TMTC2: variants seen among roughly 807,000 people sequenced by gnomAD.
TMTC2 encodes the protein transmembrane O-mannosyltransferase targeting cadherins 2.
TMTC2 carries 43 observed loss-of-function variants against 82.4 expected under a neutral mutation model. The observed-to-expected ratio is 0.52, with a 90% CI of 0.41 to 0.67. TMTC2 has a LOEUF of 0.67. Among genes scored for constraint, TMTC2 ranks in the 30% least tolerant of loss-of-function variants. The pLI is 0.00. For synonymous variants in TMTC2, 408 were observed against 381.9 expected, an observed-to-expected ratio of 1.07 and a Z score of -0.80; for missense variants, 919 against 1,012.4, an observed-to-expected ratio of 0.91 and a Z score of 1.25.
At chr12:82,938,342 G>A (rs979864744) in intron 4 of TMTC2, among the ~76,000 whole-genome samples, 1 of 152,120 alleles carries the variant, frequency 6.6e-6, no homozygotes, top group East Asian at 1.9e-4. Context: ...ACTTGACGTA[G>A]AGTTTAAAAA....
Position 83,027,861 on chromosome 12 carries a change from TG to T in TMTC2, c.2071-2936del, listed in dbSNP as rs374482663. 9.1e-4 allele frequency among the ~76,000 whole-genome samples: 138 copies of T among 152,326 alleles called. 5 individuals are homozygous for T. In the South Asian group the frequency reaches 0.028, roughly 31 times the overall value. On this transcript the variant is annotated intron_variant, in intron 8 of 11. Transcript: ENST00000321196. ...TTTTTAAAATTTCATAATATTGTTT[TG>T]CCAATGGACTATACAGAGAGATTTT...
intron 1 of TMTC2, among the ~76,000 whole-genome samples, chr12:82,741,476 A>T (rs886842463): frequency 6.6e-6 from 1 of 151,972 alleles, no homozygotes; most frequent in African/African-American, 2.4e-5. Flanking sequence ...ACGCCTGGCT[A>T]AGTTTTGTAT....
At chr12:82,721,822 T>G (rs1212581738) in intron 1 of TMTC2, among the ~76,000 whole-genome samples, 1 of 152,248 alleles carries the variant, frequency 6.6e-6, no homozygotes, top group African/African-American at 2.4e-5. Context: ...TCTAAGTGTT[T>G]TTCCATTCAC....
At chr12:82,733,241 T>A (rs1874924071) in intron 1 of TMTC2, among the ~76,000 whole-genome samples, 1 of 152,162 alleles carries the variant, frequency 6.6e-6, no homozygotes, top group South Asian at 2.1e-4. Flanking sequence ...TGCTGTGAGG[T>A]GAGGATATTG....
At chr12:82,864,587 C>T (rs549893925) in intron 2 of TMTC2, among the ~76,000 whole-genome samples, 62 of 149,728 alleles carry the variant, frequency 4.1e-4, no homozygotes, top group South Asian at 2.8e-3. Context: ...CTGCAACCTC[C>T]GCCTCCCGGG....
At chr12:82,842,393 T>G (rs1005456541) in intron 1 of TMTC2, among the ~76,000 whole-genome samples, 3 of 152,134 alleles carry the variant, frequency 2.0e-5, no homozygotes, top group African/African-American at 7.2e-5. Context: ...TCTAGACAAA[T>G]TCTGTCAGAA....
chr12:82,782,178 T>TAA (rs1196505316), intron 1 of TMTC2, among the ~76,000 whole-genome samples: 1 of 152,044 alleles, frequency 6.6e-6, no homozygotes, highest in Non-Finnish European at 1.5e-5. Context: ...TTTGAGGTCC[T>TAA]AAAAAAACAG....
At chr12:83,088,044 TC>T (rs1327080970) in intron 11 of TMTC2, among the ~76,000 whole-genome samples, 1 of 152,214 alleles carries the variant, frequency 6.6e-6, no homozygotes, top group Non-Finnish European at 1.5e-5. Flanking sequence ...GCCATATCCA[TC>T]AATGATCTTA....
chr12:82,990,188 A>G (rs1353277883), intron 8 of TMTC2, among the ~76,000 whole-genome samples: 3 of 152,206 alleles, frequency 2.0e-5, no homozygotes, highest in African/African-American at 7.2e-5. Flanking sequence ...TCTTTAATCA[A>G]AACTGGCCGA....
At chr12:83,102,226 T>G (rs1455096428) in intron 11 of TMTC2, among the ~76,000 whole-genome samples, 1 of 152,198 alleles carries the variant, frequency 6.6e-6, no homozygotes, top group Non-Finnish European at 1.5e-5. Context: ...CCTGTGAATA[T>G]CAGTACTGGC....
intron 8 of TMTC2, among the ~76,000 whole-genome samples, chr12:83,029,721 T>A (rs957977239): frequency 4.6e-5 from 7 of 152,144 alleles, no homozygotes; most frequent in Non-Finnish European, 8.8e-5. Flanking sequence ...TTAGGGTTGT[T>A]CTCCTATCTT....
chr12:82,780,841 T>C (rs1278268582), intron 1 of TMTC2, among the ~76,000 whole-genome samples: 1 of 152,060 alleles, frequency 6.6e-6, no homozygotes, highest in Non-Finnish European at 1.5e-5. Flanking sequence ...ATGAGCTTTC[T>C]GGTTGCAAAT....
intron 11 of TMTC2, among the ~76,000 whole-genome samples, chr12:83,077,391 T>C (rs1883315008): frequency 6.6e-6 from 1 of 152,124 alleles, no homozygotes; most frequent in Non-Finnish European, 1.5e-5. Flanking sequence ...TCATATCCCT[T>C]TGTCCTATCG....
At chr12:82,817,313 G>GT (rs1211494443) in intron 1 of TMTC2, among the ~76,000 whole-genome samples, 2 of 151,786 alleles carry the variant, frequency 1.3e-5, no homozygotes, top group African/African-American at 2.4e-5. Flanking sequence ...TTTTGTTTTT[G>GT]TTTTTTTATA....
intron 9 of TMTC2, among the ~76,000 whole-genome samples, chr12:83,046,248 A>C (rs1403800726): frequency 1.3e-5 from 2 of 152,140 alleles, no homozygotes; most frequent in African/African-American, 4.8e-5. Context: ...CTAATCCCAG[A>C]TGTCATCAGT....
intron 2 of TMTC2, among the ~76,000 whole-genome samples, chr12:82,880,702 G>A (rs537506074): frequency 5.9e-5 from 9 of 152,320 alleles, no homozygotes; most frequent in African/African-American, 1.7e-4. Flanking sequence ...GTTAGGGAGA[G>A]TTCACTAAAC....
intron 11 of TMTC2, 41 bp downstream of exon 11, chr12:83,061,872 A>T: frequency 6.8e-7 from 1 of 1,468,172 alleles, no homozygotes; most frequent in Non-Finnish European, 9.3e-7. Context: ...AGAGGGATAG[A>T]CTCCAAGCAT....
At chr12:82,813,971 A>G (rs1407685254) in intron 1 of TMTC2, among the ~76,000 whole-genome samples, 1 of 152,132 alleles carries the variant, frequency 6.6e-6, no homozygotes, top group African/African-American at 2.4e-5. Flanking sequence ...TGAAGATGAT[A>G]ATGATAGCCA....
intron 1 of TMTC2, among the ~76,000 whole-genome samples, chr12:82,771,607 A>G (rs12370453): frequency 0.15 from 23,050 of 152,186 alleles, 1,996 homozygotes; most frequent in African/African-American, 0.24. Flanking sequence ...AAATAATGGT[A>G]TAACTAGATG....
Sources: allele counts gnomAD v4.1 joint callset (sites outside exome capture counted in the v4.1 genomes callset), GRCh38; gene constraint gnomAD v4.1.1; transcripts MANE v1.5; gene names NCBI Gene and HGNC (gene_info 2026-07-23, HGNC 2026-07-21).